The following FHIT variants were observed in gnomAD, a reference collection of about 807,000 sequenced individuals.
FHIT encodes bis(5'-adenosyl)-triphosphatase.
FHIT carries 19 observed loss-of-function variants against 17.9 expected under a neutral mutation model. The observed-to-expected ratio is 1.06, with a 90% CI of 0.74 to 1.56. The LOEUF (loss-of-function observed/expected upper bound fraction) is 1.56. FHIT is among the 40% of genes most tolerant of loss of function. The pLI, the probability that FHIT is intolerant of heterozygous loss-of-function variation, is 0.00. For missense variants in FHIT, 248 were observed against 189.2 expected, an observed-to-expected ratio of 1.31 and a Z score of -1.82; for synonymous variants, 81 against 69.7, an observed-to-expected ratio of 1.16 and a Z score of -0.81.
chr3:59,975,490 T>G (rs1204550003), intron 7 of FHIT, among the ~76,000 whole-genome samples: 2 of 152,128 alleles, frequency 1.3e-5, no homozygotes, highest in African/African-American at 4.8e-5. Context: ...GCCATTATTT[T>G]TATTTTCTTT....
intron 2 of FHIT, among the ~76,000 whole-genome samples, chr3:61,134,660 G>A (rs1467228352): frequency 6.6e-6 from 1 of 152,146 alleles, no homozygotes; most frequent in Non-Finnish European, 1.5e-5. Context: ...CAAGGACTTA[G>A]GTGCAGGAGT....
intron 3 of FHIT, among the ~76,000 whole-genome samples, chr3:60,843,952 A>G (rs569800962): frequency 6.6e-6 from 1 of 152,282 alleles, no homozygotes; most frequent in Non-Finnish European, 1.5e-5. Flanking sequence ...GCACGCATGT[A>G]TGTATTTCTG....
Position 60,685,025 on chromosome 3 carries a change from C to T in FHIT, c.-18+136894G>A, listed in dbSNP as rs111731103. On this transcript the variant is annotated intron_variant, in intron 4 of 9. Coordinates refer to ENST00000492590, the MANE Select transcript of FHIT (RefSeq NM_002012.4). ...AAAGTAGCGTTCTTATCATCAAAGA[C>T]GAGAAGTTGATGCTGAGAGAAATCT... 5.9e-5 allele frequency among the ~76,000 whole-genome samples: 9 copies of T among 152,268 alleles called. No individual in the cohort carries two copies. The South Asian group carries it at 1.0e-3, about 18-fold the overall frequency.
At chr3:59,854,527 A>C (rs904313197) in intron 8 of FHIT, among the ~76,000 whole-genome samples, 1 of 152,144 alleles carries the variant, frequency 6.6e-6, no homozygotes, top group African/African-American at 2.4e-5. Context: ...GGCATCACAT[A>C]TTTAGCAAAT....
At chr3:60,117,494 TAAAAAAAAAAA>T (rs34113926) in intron 5 of FHIT, among the ~76,000 whole-genome samples, 1 of 86,766 alleles carries the variant, frequency 1.2e-5, no homozygotes, top group African/African-American at 4.5e-5. Context: ...ACTTCCTATC[TAAAAAAAAAAA>T]AAAAAAAAAA....
intron 3 of FHIT, among the ~76,000 whole-genome samples, chr3:60,867,566 T>G (rs552829452): frequency 6.6e-6 from 1 of 152,294 alleles, no homozygotes; most frequent in East Asian, 1.9e-4. Context: ...TTTCATCCAG[T>G]TCTCCTTTAG....
intron 5 of FHIT, among the ~76,000 whole-genome samples, chr3:60,153,171 GGATAA>G (rs1427116984): frequency 6.6e-6 from 1 of 152,006 alleles, no homozygotes; most frequent in Non-Finnish European, 1.5e-5. Flanking sequence ...TCTGTACTAT[GGATAA>G]GATGACTCTG....
intron 5 of FHIT, among the ~76,000 whole-genome samples, chr3:60,083,189 C>T (rs560451542): frequency 6.6e-6 from 1 of 152,144 alleles, no homozygotes; most frequent in South Asian, 2.1e-4. Flanking sequence ...TATAGTTAGC[C>T]AGCTATCCCA....
chr3:59,962,273 A>C (rs1707721765), intron 7 of FHIT, among the ~76,000 whole-genome samples: 1 of 152,244 alleles, frequency 6.6e-6, no homozygotes, highest in Non-Finnish European at 1.5e-5. Context: ...AAGTGCTGTC[A>C]ACTAGAGATG....
chr3:60,852,162 G>C (rs1553748608), intron 3 of FHIT, among the ~76,000 whole-genome samples: 1 of 152,132 alleles, frequency 6.6e-6, no homozygotes, highest in East Asian at 1.9e-4. Context: ...GCAAGAAAGA[G>C]GAAACTCCTC....
At chr3:60,383,200 T>TAA (rs1700878041) in intron 5 of FHIT, among the ~76,000 whole-genome samples, 1 of 152,180 alleles carries the variant, frequency 6.6e-6, no homozygotes, top group African/African-American at 2.4e-5. Context: ...AGTGACTTCC[T>TAA]AAAGCTGTAA....
intron 2 of FHIT, among the ~76,000 whole-genome samples, chr3:61,058,649 T>C (rs1575934060): frequency 6.6e-6 from 1 of 152,194 alleles, no homozygotes. Flanking sequence ...ACCTTCTACC[T>C]GAGGCCTCTC....
At chr3:60,784,789 G>C (rs1196487878) in intron 4 of FHIT, among the ~76,000 whole-genome samples, 4 of 152,186 alleles carry the variant, frequency 2.6e-5, no homozygotes, top group African/African-American at 9.7e-5. Flanking sequence ...GAGGTGATTA[G>C]GACATGAGGG....
At chr3:60,303,146 C>T (rs760908971) in intron 5 of FHIT, among the ~76,000 whole-genome samples, 1 of 151,980 alleles carries the variant, frequency 6.6e-6, no homozygotes, top group Admixed American at 6.6e-5. Context: ...TCAAACACAC[C>T]CTGAAGTAAT....
chr3:59,769,396 C>T (rs1701962271), intron 8 of FHIT, among the ~76,000 whole-genome samples: 1 of 152,144 alleles, frequency 6.6e-6, no homozygotes, highest in African/African-American at 2.4e-5. Context: ...GAACCTGCAT[C>T]CCACCCTGTA....
chr3:59,841,342 G>A (rs1054471882), intron 8 of FHIT, among the ~76,000 whole-genome samples: 2 of 152,168 alleles, frequency 1.3e-5, no homozygotes, highest in African/African-American at 4.8e-5. Context: ...GGTGGATAGT[G>A]ATTAGCAAGC....
chr3:60,487,801 C>A (rs1467269834), intron 5 of FHIT, among the ~76,000 whole-genome samples: 1 of 152,112 alleles, frequency 6.6e-6, no homozygotes, highest in Admixed American at 6.6e-5. Flanking sequence ...TTAATGCTCA[C>A]CTATTTATAC....
intron 4 of FHIT, among the ~76,000 whole-genome samples, chr3:60,699,262 C>T (rs2041184001): frequency 6.6e-6 from 1 of 152,024 alleles, no homozygotes; most frequent in African/African-American, 2.4e-5. Flanking sequence ...TATTACTTTC[C>T]AGAAATAGTA....
intron 5 of FHIT, among the ~76,000 whole-genome samples, chr3:60,362,529 C>T (rs1699946604): frequency 6.6e-6 from 1 of 152,150 alleles, no homozygotes; most frequent in Non-Finnish European, 1.5e-5. Flanking sequence ...TGGATAAGGA[C>T]AGTGTGTTAG....
Sources: allele counts gnomAD v4.1 joint callset (sites outside exome capture counted in the v4.1 genomes callset), GRCh38; gene constraint gnomAD v4.1.1; transcripts MANE v1.5; gene names NCBI Gene and HGNC (gene_info 2026-07-23, HGNC 2026-07-21).